Variants in ATP6V1B1 observed in about 807,000 individuals in gnomAD.
The protein encoded by ATP6V1B1 is V-type proton ATPase subunit B, kidney isoform.
In ATP6V1B1, 41 loss-of-function variants were observed where a neutral mutation model predicts 62.1. That is an observed-to-expected ratio of 0.66 (90% CI 0.51 to 0.86). The LOEUF (loss-of-function observed/expected upper bound fraction) is 0.86. Among genes scored for constraint, ATP6V1B1 ranks in the 40% least tolerant of loss-of-function variants. The pLI is 0.00. For synonymous variants in ATP6V1B1, 253 were observed against 273.4 expected, an observed-to-expected ratio of 0.93 and a Z score of 0.74; for missense variants, 651 against 697.5, an observed-to-expected ratio of 0.93 and a Z score of 0.75.
At chr2:70,944,158 C>T (rs1250642484) in intron 2 of ATP6V1B1, 11 of 1,286,672 alleles carry the variant, frequency 8.5e-6, no homozygotes, top group Middle Eastern at 2.1e-4. Flanking sequence ...AAGTCAATGC[C>T]AACTAAATTT....
chr2:70,936,055 T>C lies in ATP6V1B1; in HGVS notation c.101T>C (p.Ile34Thr), dbSNP rs782229065. 6.2e-7 allele frequency: 1 copy of C among 1,612,146 alleles called. No homozygotes were observed. Among genetic ancestry groups the C allele is most frequent in the Admixed American group, 1.7e-5 (1 of 59,980 alleles). Reference protein sequence around the residue: ...EHMQAVTRNYITHPRVTYRTV... With the variant: ...EHMQAVTRNYTTHPRVTYRTV... ...ATGCAGGCGGTCACCCGAAACTACATCACCCACCCCCGTGTCAGTGAGTAG... is the reference window on the plus strand; with the variant it reads ...ATGCAGGCGGTCACCCGAAACTACACCACCCACCCCCGTGTCAGTGAGTAG... Residue 34 changes from isoleucine (I) to threonine (T), a missense_variant, in exon 1 of 14, where the codon ATC becomes ACC. By Grantham distance (89) the Ile-to-Thr change is moderately conservative. Coordinates refer to ENST00000234396, the MANE Select transcript of ATP6V1B1 (RefSeq NM_001692.4).
rs1053150980 is a variant in ATP6V1B1 at position 70,965,032 on chromosome 2, A to T, written c.1453A>T (p.Met485Leu). 1 of 1,613,506 alleles carries T rather than the reference A, an allele frequency of 6.2e-7. No homozygotes were observed. Among genetic ancestry groups the T allele is most frequent in the Non-Finnish European group, 8.5e-7 (1 of 1,180,048 alleles). The change falls in exon 14 of 14, where the codon ATG becomes TTG. Residue 485 changes from methionine (M) to leucine (L), a missense_variant. By Grantham distance (15) the Met-to-Leu change is conservative (BLOSUM62 2). Transcript: ENST00000234396. Reference protein sequence around the residue: ...WKLLRIFPKEMLKRIPQAVID... With the variant: ...WKLLRIFPKELLKRIPQAVID... Reference sequence around the variant, plus strand: ...GCTGCTGCGCATCTTCCCCAAGGAGATGCTGAAGCGCATTCCGCAGGCCGT... The same window carrying T: ...GCTGCTGCGCATCTTCCCCAAGGAGTTGCTGAAGCGCATTCCGCAGGCCGT...
chr2:70,955,365 T>A (rs897536275), intron 2 of ATP6V1B1, among the ~76,000 whole-genome samples: 1 of 152,234 alleles, frequency 6.6e-6, no homozygotes, highest in African/African-American at 2.4e-5. Flanking sequence ...ATAACTCACA[T>A]ACTGTTAATT....
intron 2 of ATP6V1B1, among the ~76,000 whole-genome samples, chr2:70,951,542 T>A (rs562604390): frequency 6.6e-6 from 1 of 152,114 alleles, no homozygotes; most frequent in Non-Finnish European, 1.5e-5. Flanking sequence ...CCACAGCCCT[T>A]CTTTGACTTC....
chr2:70,946,288 C>G (rs1451169415), intron 2 of ATP6V1B1, among the ~76,000 whole-genome samples: 2 of 152,206 alleles, frequency 1.3e-5, no homozygotes, highest in African/African-American at 4.8e-5. Flanking sequence ...ACTTGACCCC[C>G]CAGTGTAAGG....
intron 2 of ATP6V1B1, among the ~76,000 whole-genome samples, chr2:70,948,976 G>A (rs1680258531): frequency 6.6e-6 from 1 of 152,186 alleles, no homozygotes; most frequent in African/African-American, 2.4e-5. Flanking sequence ...GTGATATAAC[G>A]ATAGTAATGA....
Position 70,965,292 on chromosome 2 carries a change from T to C in ATP6V1B1, c.*171T>C. On this transcript the variant is annotated 3_prime_UTR_variant, in exon 14 of 14. Transcript: ENST00000234396. Reference sequence around the variant, plus strand: ...TCCCTTTCCCTCGCTCGATTCCTTTTCCCGCGCTCCATGCCTCCCCCTCGA... The same window carrying C: ...TCCCTTTCCCTCGCTCGATTCCTTTCCCCGCGCTCCATGCCTCCCCCTCGA... The C allele has an allele frequency of 1.0e-6, 1 of 955,582 alleles. No individual in the cohort carries two copies. Among genetic ancestry groups the C allele is most frequent in the Non-Finnish European group, 1.5e-6 (1 of 650,764 alleles). 59.2% of individuals were successfully genotyped at this position (955,582 alleles called of 1,614,324 possible). A position where few individuals can be genotyped will look rare whatever the true frequency, so the allele number is the denominator to read the frequency against.
intron 2 of ATP6V1B1, among the ~76,000 whole-genome samples, chr2:70,946,716 G>A (rs113091142): frequency 6.6e-6 from 1 of 152,204 alleles, no homozygotes; most frequent in African/African-American, 2.4e-5. Flanking sequence ...TGATTCAACA[G>A]TTGGTGCCAC....
At chr2:70,936,937 A>G (rs368451102) in intron 1 of ATP6V1B1, among the ~76,000 whole-genome samples, 2 of 152,114 alleles carry the variant, frequency 1.3e-5, no homozygotes, top group Admixed American at 1.3e-4. Context: ...GGTGGCCCAG[A>G]TGTCTGGGGC....
At chr2:70,952,684 A>G (rs1488634761) in intron 2 of ATP6V1B1, among the ~76,000 whole-genome samples, 2 of 152,174 alleles carry the variant, frequency 1.3e-5, no homozygotes, top group African/African-American at 4.8e-5. Context: ...TATTTAATGC[A>G]CTGCTTGATT....
At chr2:70,938,565 T>A (rs1679913217) in intron 1 of ATP6V1B1, 1 of 985,158 alleles carries the variant, frequency 1.0e-6, no homozygotes. Flanking sequence ...CCTGAGACTT[T>A]AAGGCTGATT....
intron 12 of ATP6V1B1, 27 bp from the exon 13 acceptor site, chr2:70,964,709 G>A (rs782149260): frequency 6.2e-7 from 1 of 1,613,006 alleles, no homozygotes; most frequent in African/African-American, 1.3e-5. Flanking sequence ...GCCCGCAGCG[G>A]CCACCGACGC....
Position 70,965,323 on chromosome 2 carries a change from G to C in ATP6V1B1, c.*202G>C, listed in dbSNP as rs782156725. On this transcript the variant is annotated 3_prime_UTR_variant, in exon 14 of 14. Transcript: ENST00000234396. ...GCTCCATGCCTCCCCCTCGACTCCC[G>C]GTGCTGCGGAAGAACTGAAGGTTGC... The C allele has an allele frequency of 1.4e-6, 1 of 709,596 alleles. No individual in the cohort carries two copies. Among genetic ancestry groups the C allele is most frequent in the Non-Finnish European group, 2.3e-6 (1 of 435,552 alleles). 44.0% of individuals were successfully genotyped at this position (709,596 alleles called of 1,614,324 possible).
At chr2:70,944,310 T>C (rs1680091401) in intron 2 of ATP6V1B1, 2 of 1,051,312 alleles carry the variant, frequency 1.9e-6, no homozygotes, top group Admixed American at 2.8e-5. Flanking sequence ...ACACTGACAG[T>C]ATCTTGAGTC....
chr2:70,938,882 TC>T (rs1558667723), intron 1 of ATP6V1B1: 2 of 828,516 alleles, frequency 2.4e-6, no homozygotes, highest in Non-Finnish European at 2.9e-6. Flanking sequence ...TCCCTGAAGA[TC>T]CCCCAGGAGC....
chr2:70,964,112 G>GTT (rs1330555546), intron 11 of ATP6V1B1: 13 of 158,342 alleles, frequency 8.2e-5, no homozygotes, highest in East Asian at 4.9e-4. Flanking sequence ...TGCTTGGCAG[G>GTT]TATTTTTTTT....
intron 3 of ATP6V1B1, 74 bp downstream of exon 3, chr2:70,958,218 A>C: frequency 6.3e-7 from 1 of 1,592,334 alleles, no homozygotes; most frequent in Non-Finnish European, 8.6e-7. Flanking sequence ...CTATCTACAA[A>C]CTCTGAAGGC....
intron 12 of ATP6V1B1, 34 bp downstream of exon 12, chr2:70,964,576 C>G: frequency 6.2e-7 from 1 of 1,611,052 alleles, no homozygotes. Flanking sequence ...CTGGTAGGTC[C>G]TCTAGTTTCC....
At chr2:70,960,539 G>A (rs890650869) in intron 6 of ATP6V1B1, among the ~76,000 whole-genome samples, 2 of 152,082 alleles carry the variant, frequency 1.3e-5, no homozygotes, top group Non-Finnish European at 2.9e-5. Flanking sequence ...ACCCTACTGT[G>A]ACCCTTCCTT....
Sources: allele counts gnomAD v4.1 joint callset (sites outside exome capture counted in the v4.1 genomes callset), GRCh38; gene constraint gnomAD v4.1.1; transcripts MANE v1.5; gene names NCBI Gene and HGNC (gene_info 2026-07-23, HGNC 2026-07-21).